HERC3: variants seen among roughly 807,000 people sequenced by gnomAD.
HERC3 encodes the protein HECT and RLD domain containing E3 ubiquitin protein ligase 3.
HERC3 carries 58 observed loss-of-function variants against 129.9 expected under a neutral mutation model. That is an observed-to-expected ratio of 0.45 (90% CI 0.36 to 0.56). The LOEUF is 0.56. HERC3 is among the 20% of genes least tolerant of loss of function. The pLI is 0.00. For missense variants in HERC3, 835 were observed against 1,244.2 expected (o/e 0.67, Z 4.95); for synonymous variants, 430 against 451.0 (o/e 0.95, Z 0.59).
At chr4:88,568,637 T>G in the HERC3 span, among the ~76,000 whole-genome samples, 2 of 152,136 alleles carry the variant, frequency 1.3e-5, no homozygotes, top group Admixed American at 1.3e-4. Flanking sequence ...TGGGTACCAC[T>G]GATGTTTATT....
chr4:88,593,059 A>C (rs1388095844), intron 1 of HERC3, among the ~76,000 whole-genome samples: 2 of 152,104 alleles, frequency 1.3e-5, no homozygotes, highest in East Asian at 1.9e-4. Context: ...GGAGCTGGCG[A>C]GGCCCTGGCA....
upstream of HERC3, among the ~76,000 whole-genome samples, chr4:88,591,845 C>T (rs2149160500): frequency 6.6e-6 from 1 of 152,226 alleles, no homozygotes; most frequent in Middle Eastern, 3.4e-3. Context: ...TGCTATGCTC[C>T]CCCCGGGTCC....
chr4:88,633,737 T>TA (rs1432186425), intron 3 of HERC3, among the ~76,000 whole-genome samples: 5 of 152,062 alleles, frequency 3.3e-5, no homozygotes, highest in East Asian at 1.9e-4. Flanking sequence ...TATTAGACTC[T>TA]AAAAAAACCC....
At chr4:88,634,508 G>C (rs532371343) in intron 3 of HERC3, among the ~76,000 whole-genome samples, 157 of 152,270 alleles carry the variant, frequency 1.0e-3, no homozygotes, top group Middle Eastern at 3.4e-3. Context: ...GAACCCCTAG[G>C]GGGAGGGATG....
chr4:88,674,577 T>G (rs139529926), intron 16 of HERC3, among the ~76,000 whole-genome samples: 2 of 152,356 alleles, frequency 1.3e-5, no homozygotes, highest in African/African-American at 4.8e-5. Flanking sequence ...TTCTGAATAT[T>G]GGCACCAGTT....
At chr4:88,527,510 C>T in the HERC3 span, 1 of 176,682 alleles carries the variant, frequency 5.7e-6, no homozygotes, top group Non-Finnish European at 1.2e-5. Flanking sequence ...ATCCTCCCGC[C>T]TCAGCCTCCC....
chr4:88,698,619 C>T (rs894776872), intron 23 of HERC3, among the ~76,000 whole-genome samples: 5 of 151,996 alleles, frequency 3.3e-5, no homozygotes, highest in African/African-American at 7.3e-5. Flanking sequence ...CCCCTCTTAT[C>T]TTGGTTAAAG....
intron 3 of HERC3, among the ~76,000 whole-genome samples, chr4:88,635,475 C>A (rs193136356): frequency 3.3e-5 from 5 of 152,056 alleles, no homozygotes; most frequent in Admixed American, 2.6e-4. Context: ...AAGGAATGAA[C>A]AAAACCTCTG....
At chr4:88,669,122 A>G (rs1418446140) in intron 14 of HERC3, among the ~76,000 whole-genome samples, 1 of 152,208 alleles carries the variant, frequency 6.6e-6, no homozygotes, top group African/African-American at 2.4e-5. Context: ...TATTTAAAAG[A>G]ATACCCCAAA....
chr4:88,696,580 A>T (rs1417636617), intron 23 of HERC3: 1 of 152,638 alleles, frequency 6.6e-6, no homozygotes, highest in Non-Finnish European at 1.5e-5. Context: ...TGTTTCTCTA[A>T]ATTCAAATAC....
At chr4:88,566,437 A>G in the HERC3 span, among the ~76,000 whole-genome samples, 5 of 152,212 alleles carry the variant, frequency 3.3e-5, no homozygotes, top group South Asian at 1.0e-3. Flanking sequence ...AACTTCTTCT[A>G]TTTATATCTT....
chr4:88,677,242 G>C (rs1046179551), intron 18 of HERC3, among the ~76,000 whole-genome samples: 9 of 152,140 alleles, frequency 5.9e-5, no homozygotes, highest in Admixed American at 5.9e-4. Context: ...TCCTGACATA[G>C]AGAATTAAAT....
the HERC3 span, among the ~76,000 whole-genome samples, chr4:88,559,204 C>T: frequency 6.6e-6 from 1 of 152,138 alleles, no homozygotes; most frequent in Non-Finnish European, 1.5e-5. Flanking sequence ...ACATGCTTAG[C>T]ATTCCAATAA....
chr4:88,690,556 C>G (rs1726484920), intron 23 of HERC3: 2 of 984,966 alleles, frequency 2.0e-6, no homozygotes, highest in Admixed American at 6.1e-5. Flanking sequence ...TGTCCTCATC[C>G]TCTGCTGAGT....
At chr4:88,642,968 ATC>A (rs1728286214) in intron 3 of HERC3, among the ~76,000 whole-genome samples, 1 of 152,116 alleles carries the variant, frequency 6.6e-6, no homozygotes, top group South Asian at 2.1e-4. Flanking sequence ...AAAAAAAACC[ATC>A]TCTATTCTCA....
At chr4:88,615,395 A>C (rs1201637568) in intron 3 of HERC3, among the ~76,000 whole-genome samples, 1 of 152,178 alleles carries the variant, frequency 6.6e-6, no homozygotes, top group Non-Finnish European at 1.5e-5. Flanking sequence ...TGTAATGTTG[A>C]AATCTTTGAT....
chr4:88,585,753 G>A, the HERC3 span, among the ~76,000 whole-genome samples: 1 of 152,060 alleles, frequency 6.6e-6, no homozygotes, highest in African/African-American at 2.4e-5. Context: ...GCATTTAGGT[G>A]ATTTTTGATA....
the HERC3 span, among the ~76,000 whole-genome samples, chr4:88,540,759 CTA>C: frequency 6.6e-6 from 1 of 152,144 alleles, no homozygotes; most frequent in Non-Finnish European, 1.5e-5. Context: ...GGCAGAAACT[CTA>C]TAAGCCAGAA....
intron 3 of HERC3, among the ~76,000 whole-genome samples, chr4:88,609,409 T>A (rs1724044396): frequency 6.6e-6 from 1 of 152,240 alleles, no homozygotes; most frequent in African/African-American, 2.4e-5. Flanking sequence ...GGCAGTTTTA[T>A]ATCATGCCTC....
Sources: gnomAD v4.1 joint callset for allele counts (sites outside exome capture counted in the v4.1 genomes callset) on GRCh38, gnomAD v4.1.1 for gene constraint, MANE v1.5 for transcripts, NCBI Gene and HGNC (gene_info 2026-07-23, HGNC 2026-07-21) for gene names.